The following MTA1 variants were observed in gnomAD, a reference collection of about 807,000 sequenced individuals.
MTA1 encodes metastasis associated 1.
Under a neutral mutation model 97.0 loss-of-function variants are expected in MTA1, and 15 were observed. The ratio of observed to expected loss-of-function variants is 0.15; its 90% CI spans 0.10 to 0.24. The LOEUF is 0.24. Ranked by LOEUF, MTA1 falls within the 10% of genes least tolerant of loss-of-function variation. The pLI is 1.00. For synonymous variants in MTA1, 435 were observed against 417.5 expected (o/e 1.04, Z -0.51); for missense variants, 709 against 1,015.1 (o/e 0.70, Z 4.10).
intron 2 of MTA1, among the ~76,000 whole-genome samples, chr14:105,444,101 C>T (rs1417160668): frequency 3.4e-5 from 5 of 148,646 alleles, no homozygotes; most frequent in East Asian, 4.1e-4. Flanking sequence ...AGGCCGGGTG[C>T]GGTGGCTCAC....
intron 18 of MTA1, chr14:105,468,222 C>T (rs1176092468): frequency 1.8e-6 from 2 of 1,108,394 alleles, no homozygotes; most frequent in East Asian, 1.2e-4. Context: ...CTAACCCGGC[C>T]ATTTGCCCGT....
At chr14:105,467,027 G>A (rs1174923869) in intron 18 of MTA1, 3 of 544,018 alleles carry the variant, frequency 5.5e-6, no homozygotes, top group South Asian at 4.3e-5. Flanking sequence ...GTCTGCCATC[G>A]CGCTGTGACT....
At chr14:105,449,010 C>G (rs2082818339) in intron 3 of MTA1, 1 of 261,564 alleles carries the variant, frequency 3.8e-6, no homozygotes, top group Non-Finnish European at 7.2e-6. Context: ...GGCAGGAATC[C>G]CCATGCTGCT....
chr14:105,445,713 A>C, intron 3 of MTA1: 1 of 693,910 alleles, frequency 1.4e-6, no homozygotes, highest in Non-Finnish European at 2.7e-6. Context: ...TGGGTGAATG[A>C]AGTCCTCGCA....
intron 13 of MTA1, 129 bp downstream of exon 13, chr14:105,464,276 G>C: frequency 7.1e-7 from 1 of 1,417,740 alleles, no homozygotes; most frequent in Non-Finnish European, 9.6e-7. Flanking sequence ...CTGCGTCCCA[G>C]GGGTGTGGTT....
intron 2 of MTA1, among the ~76,000 whole-genome samples, chr14:105,444,041 T>C: frequency 6.8e-6 from 1 of 147,534 alleles, no homozygotes; most frequent in African/African-American, 2.5e-5. Flanking sequence ...TGAGCTGAGA[T>C]CGCACCACTG....
chr14:105,420,096 ACCCG>A lies in MTA1; in HGVS notation c.28+39_28+42del. On this transcript the variant is annotated intron_variant, in intron 1 of 20. Coordinates refer to ENST00000331320, the MANE Select transcript of MTA1 (RefSeq NM_004689.4). The surrounding 1 kb of genome is among the most constrained non-coding windows in gnomAD (Gnocchi z 5.3). ...CGCACCGCCTTTATGCCCGGCCCCGACCCGCCCGCAGCCCCCACCCGCCGCCGCT... is the reference window on the plus strand; with the variant it reads ...CGCACCGCCTTTATGCCCGGCCCCGACCCGCAGCCCCCACCCGCCGCCGCT... 1 of 866,008 alleles carries A rather than the reference ACCCG, an allele frequency of 1.2e-6. No homozygotes were observed. The highest frequency in any genetic ancestry group is 1.4e-6 in the Non-Finnish European group (1 of 722,456). 53.6% of individuals were successfully genotyped at this position (866,008 alleles called of 1,614,324 possible). A position where few individuals can be genotyped will look rare whatever the true frequency, so the allele number is the denominator to read the frequency against.
chr14:105,469,637 A>G (rs1595437571), intron 19 of MTA1, 139 bp downstream of exon 19: 2 of 1,221,880 alleles, frequency 1.6e-6, no homozygotes, highest in Admixed American at 4.2e-5. Context: ...GGGCTGCAGC[A>G]TGTGGGGGCC....
At position 105,424,800 on chromosome 14, in the gene MTA1, A is replaced by G. The variant is rs2081961756; in HGVS notation, c.28+4737A>G. 6.6e-6 allele frequency among the ~76,000 whole-genome samples: 1 copy of G among 152,212 alleles called. No individual in the cohort carries two copies. The highest frequency in any genetic ancestry group is 2.4e-5 in the African/African-American group (1 of 41,466). The stretch of plus-strand genomic sequence containing the variant: ...CGTGAGCCACGGTGCCTGGCCCCAT[A>G]TTGTTCTGAGTGGAGAATTTGATCG... On this transcript the variant is annotated intron_variant, in intron 1 of 20. Coordinates refer to ENST00000331320, the MANE Select transcript of MTA1 (RefSeq NM_004689.4). The surrounding 1 kb of genome is among the most constrained non-coding windows in gnomAD (Gnocchi z 4.0).
intron 1 of MTA1, among the ~76,000 whole-genome samples, chr14:105,428,462 T>A (rs1218914859): frequency 6.6e-6 from 1 of 152,058 alleles, no homozygotes; most frequent in African/African-American, 2.4e-5. Context: ...AGCTAAGTTT[T>A]TCGTTATGTT....
rs2083799021 is a variant in MTA1, at chr14:105,470,586, C to T, written c.*371C>T. ...TACTTTTTTTGTAGATGAACTTGAG[C>T]TCTGTAACTTACACCTGGAATGTTA... is the stretch of plus-strand genomic sequence containing the variant. On this transcript the variant is annotated 3_prime_UTR_variant, in exon 21 of 21. Transcript: ENST00000331320. 1 of 203,472 alleles carries T rather than the reference C, an allele frequency of 4.9e-6. No homozygotes were observed. 12.6% of individuals were successfully genotyped at this position (203,472 alleles called of 1,614,324 possible). A position where few individuals can be genotyped will look rare whatever the true frequency, so the allele number is the denominator to read the frequency against.
chr14:105,463,739 G>A lies in MTA1; in HGVS notation c.1076+188G>A, dbSNP rs757037531. 1.6e-3 allele frequency: 1,046 copies of A among 634,180 alleles called. 2 individuals are homozygous for A. The highest frequency in any genetic ancestry group is 2.5e-3 in the Non-Finnish European group (906 of 363,578). 39.3% of individuals were successfully genotyped at this position (634,180 alleles called of 1,614,324 possible). On this transcript the variant is annotated intron_variant, in intron 12 of 20. Transcript: ENST00000331320. This position sits in a 1 kb window ranked among gnomAD's most constrained non-coding sequence, Gnocchi z 5.9. ...CAGACGCAGTGGCCATGTCTCTGTCGTCCTGGCCTCCTGGTCAGTAAGGGG... is the reference window on the plus strand; with the variant it reads ...CAGACGCAGTGGCCATGTCTCTGTCATCCTGGCCTCCTGGTCAGTAAGGGG...
chr14:105,447,053 T>C (rs1263676243), intron 3 of MTA1, among the ~76,000 whole-genome samples: 2 of 151,476 alleles, frequency 1.3e-5, no homozygotes, highest in Non-Finnish European at 2.9e-5. Context: ...TCTGGAGGGG[T>C]GTTTGGTGTG....
In MTA1 at chr14:105,420,113, A is replaced by G; in HGVS notation, c.28+50A>G. ...CGGCCCCGACCCGCCCGCAGCCCCC[A>G]CCCGCCGCCGCTGCCGCCTCCCCCG... On this transcript the variant is annotated intron_variant, in intron 1 of 20. Transcript: ENST00000331320. The surrounding 1 kb of genome is among the most constrained non-coding windows in gnomAD (Gnocchi z 5.3). The G allele has an allele frequency of 1.5e-6, 1 of 647,712 alleles. No individual in the cohort carries two copies. Among genetic ancestry groups the G allele is most frequent in the Non-Finnish European group, 1.8e-6 (1 of 545,310 alleles). The allele number at this position is 647,712 out of a possible 1,614,324, so 40.1% of individuals were successfully genotyped here.
intron 1 of MTA1, among the ~76,000 whole-genome samples, chr14:105,433,618 T>A (rs954623233): frequency 6.6e-6 from 1 of 152,156 alleles, no homozygotes; most frequent in African/African-American, 2.4e-5. Context: ...GCCACGCACC[T>A]GGGGCTGACA....
rs186878785 is a variant in MTA1, at chr14:105,463,688, G to A, written c.1076+137G>A. On this transcript the variant is annotated intron_variant, in intron 12 of 20. Transcript: ENST00000331320. This position sits in a 1 kb window ranked among gnomAD's most constrained non-coding sequence, Gnocchi z 5.9. ...AAGTTGGGGCAGCCCCCGGGAGGGC[G>A]GCCCAGGGCTGGGGGGTTCTGGCTG... is the stretch of plus-strand genomic sequence containing the variant. The A allele has an allele frequency of 8.8e-5, 73 of 833,048 alleles. No homozygotes were observed. The highest frequency in any genetic ancestry group is 7.2e-4 in the South Asian group (45 of 62,490). The allele number at this position is 833,048 out of a possible 1,614,324, so 51.6% of individuals were successfully genotyped here. A position where few individuals can be genotyped will look rare whatever the true frequency, so the allele number is the denominator to read the frequency against.
Position 105,463,947 on chromosome 14 carries a change from G to C in MTA1, c.1077-85G>C, listed in dbSNP as rs2083460002. 3 of 1,289,212 alleles carry C rather than the reference G, an allele frequency of 2.3e-6. No individual in the cohort carries two copies. In the South Asian group the frequency reaches 3.6e-5, roughly 15 times the overall value. The allele number at this position is 1,289,212 out of a possible 1,614,324, so 79.9% of individuals were successfully genotyped here. ...GAGGACGTGGTTCTGGACAAGGGGT[G>C]GTCAGCCGCGGTGCCTGCTGGGCAC... is the stretch of plus-strand genomic sequence containing the variant. On this transcript the variant is annotated intron_variant, in intron 12 of 20. Transcript: ENST00000331320. The surrounding 1 kb of genome is among the most constrained non-coding windows in gnomAD (Gnocchi z 5.9).
At chr14:105,427,744 G>T (rs587763925) in intron 1 of MTA1, among the ~76,000 whole-genome samples, 6 of 152,244 alleles carry the variant, frequency 3.9e-5, no homozygotes, top group Admixed American at 3.9e-4. Context: ...TTTAGGCCGG[G>T]CATGGTGGCT....
intron 1 of MTA1, among the ~76,000 whole-genome samples, chr14:105,430,989 C>T (rs1555423214): frequency 6.6e-6 from 1 of 152,122 alleles, no homozygotes; most frequent in Non-Finnish European, 1.5e-5. Context: ...TAACTTTTTC[C>T]CAGTCTCACA....
Sources: allele counts gnomAD v4.1 joint callset (sites outside exome capture counted in the v4.1 genomes callset), GRCh38; gene constraint gnomAD v4.1.1; non-coding constraint Gnocchi (gnomAD v3.1); transcripts MANE v1.5; gene names NCBI Gene and HGNC (gene_info 2026-07-23, HGNC 2026-07-21).